Variants in CBFB observed in about 807,000 individuals in gnomAD.
The protein encoded by CBFB is CBF-beta.
CBFB carries 9 observed loss-of-function variants against 30.4 expected under a neutral mutation model. The ratio of observed to expected loss-of-function variants is 0.30; its 90% CI spans 0.18 to 0.52. CBFB has a LOEUF of 0.52. Among genes scored for constraint, CBFB ranks in the 20% least tolerant of loss-of-function variants. The probability of loss-of-function intolerance (pLI) is 0.97; values close to 1 mark genes in which losing one functional copy is unlikely to be tolerated. For synonymous variants in CBFB, 94 were observed against 84.0 expected, an observed-to-expected ratio of 1.12 and a Z score of -0.65; for missense variants, 170 against 244.0, an observed-to-expected ratio of 0.70 and a Z score of 2.02.
chr16:67,045,136 G>A (rs1247643156), intron 3 of CBFB, among the ~76,000 whole-genome samples: 2 of 152,112 alleles, frequency 1.3e-5, no homozygotes, highest in African/African-American at 2.4e-5. Context: ...AGCTGGCAGA[G>A]CGTTTGTATT....
At chr16:67,095,181 GCC>G (rs1749722186) in intron 5 of CBFB, among the ~76,000 whole-genome samples, 1 of 121,284 alleles carries the variant, frequency 8.2e-6, no homozygotes, top group African/African-American at 3.2e-5. Context: ...TTGCACTCCA[GCC>G]TAGGCAACAA....
At chr16:67,044,323 C>G (rs1036251542) in intron 3 of CBFB, among the ~76,000 whole-genome samples, 2 of 152,106 alleles carry the variant, frequency 1.3e-5, no homozygotes, top group African/African-American at 4.8e-5. Flanking sequence ...TCATTTTTTT[C>G]TGTGGAAATT....
intron 4 of CBFB, among the ~76,000 whole-genome samples, chr16:67,068,754 G>A (rs1354611840): frequency 6.6e-6 from 1 of 152,162 alleles, no homozygotes; most frequent in Non-Finnish European, 1.5e-5. Flanking sequence ...GGGCCCAAGT[G>A]TTGGTTCTTA....
chr16:67,061,522 T>C (rs1339438263), intron 3 of CBFB, among the ~76,000 whole-genome samples: 5 of 152,226 alleles, frequency 3.3e-5, no homozygotes, highest in African/African-American at 7.2e-5. Flanking sequence ...CATTATTGAA[T>C]TGCATTATAA....
In CBFB at chr16:67,072,835, A is replaced by G. The variant is rs77140696; in HGVS notation, c.399+6037A>G. On this transcript the variant is annotated intron_variant, in intron 4 of 5. Transcript: ENST00000412916. ...GCTCAGGCCAGAGTGCAGTGGTACA[A>G]TGACAGCTCACTACAGCCTCAAGCT... Among the ~76,000 whole-genome samples, 8 of 151,634 alleles carry G rather than the reference A, an allele frequency of 5.3e-5. No homozygotes were observed. The East Asian group carries it at 1.2e-3, about 22-fold the overall frequency.
At chr16:67,062,587 T>C (rs1358510303) in intron 3 of CBFB, among the ~76,000 whole-genome samples, 1 of 149,056 alleles carries the variant, frequency 6.7e-6, no homozygotes, top group East Asian at 2.0e-4. Context: ...AGGTCAGGAG[T>C]TCGAGAGCAG....
rs916136479 is a variant in CBFB at position 67,100,888 on chromosome 16, A to T, written c.*2110A>T. ...TCTATTAAGTTATTGATGCAATTTG[A>T]TATTTTTTCATAATCTATATTTAAA... On this transcript the variant is annotated 3_prime_UTR_variant, in exon 6 of 6. Transcript: ENST00000412916. 1.0e-5 allele frequency: 2 copies of T among 198,836 alleles called. No individual in the cohort carries two copies. Among genetic ancestry groups the T allele is most frequent in the African/African-American group, 4.6e-5 (2 of 43,478 alleles). The allele number at this position is 198,836 out of a possible 1,614,324, so 12.3% of individuals were successfully genotyped here.
intron 5 of CBFB, among the ~76,000 whole-genome samples, chr16:67,084,227 G>A (rs1407771221): frequency 5.0e-5 from 7 of 141,170 alleles, no homozygotes; most frequent in Admixed American, 3.5e-4. Flanking sequence ...AAGAACTAAT[G>A]TGTTTGAAAA....
At chr16:67,033,573 G>C (rs1287214793) in intron 2 of CBFB, among the ~76,000 whole-genome samples, 1 of 151,350 alleles carries the variant, frequency 6.6e-6, no homozygotes, top group East Asian at 1.9e-4. Context: ...GCCTGCCTCA[G>C]TGAGCCACTG....
Position 67,099,304 on chromosome 16 carries a change from A to G in CBFB, c.*526A>G, listed in dbSNP as rs1962150036. On this transcript the variant is annotated 3_prime_UTR_variant, in exon 6 of 6. Coordinates refer to ENST00000412916, the MANE Select transcript of CBFB (RefSeq NM_022845.3). ...TTTTAAAACTGCTGATGTTGTTTGCATTATTTACAGGCTAAAAACTTAGTA... is the reference window on the plus strand; with the variant it reads ...TTTTAAAACTGCTGATGTTGTTTGCGTTATTTACAGGCTAAAAACTTAGTA... The G allele has an allele frequency of 4.4e-6, 1 of 229,418 alleles. No individual in the cohort carries two copies. Among genetic ancestry groups the G allele is most frequent in the African/African-American group, 2.2e-5 (1 of 45,062 alleles). 14.2% of individuals were successfully genotyped at this position (229,418 alleles called of 1,614,324 possible). A position where few individuals can be genotyped will look rare whatever the true frequency, so the allele number is the denominator to read the frequency against.
At chr16:67,074,081 G>A (rs536563684) in intron 4 of CBFB, among the ~76,000 whole-genome samples, 1 of 152,074 alleles carries the variant, frequency 6.6e-6, no homozygotes, top group Non-Finnish European at 1.5e-5. Flanking sequence ...GAAGATGCAT[G>A]TACTTAGAAA....
chr16:67,060,070 G>T (rs1381940794), intron 3 of CBFB, among the ~76,000 whole-genome samples: 4 of 151,760 alleles, frequency 2.6e-5, no homozygotes, highest in Non-Finnish European at 4.4e-5. Flanking sequence ...GACCTCCTGG[G>T]CTTAGGTGAT....
intron 2 of CBFB, chr16:67,030,147 AT>A (rs1966310742): frequency 4.2e-6 from 1 of 240,206 alleles, no homozygotes; most frequent in African/African-American, 2.3e-5. Context: ...GCAAACCCCC[AT>A]TCGGAAAAAG....
chr16:67,060,606 A>C (rs1960883452), intron 3 of CBFB, among the ~76,000 whole-genome samples: 2 of 151,934 alleles, frequency 1.3e-5, no homozygotes, highest in African/African-American at 4.8e-5. Flanking sequence ...CCCAGGCTGG[A>C]GTGCAATGGC....
At chr16:67,080,592 C>T (rs957865282) in intron 4 of CBFB, among the ~76,000 whole-genome samples, 1 of 152,154 alleles carries the variant, frequency 6.6e-6, no homozygotes, top group African/African-American at 2.4e-5. Flanking sequence ...CCTTCAGGTG[C>T]AGATCTTTAG....
In CBFB at chr16:67,045,166, T is replaced by G. The variant is rs150710353; in HGVS notation, c.282+8411T>G. 6.8e-3 allele frequency among the ~76,000 whole-genome samples: 1,031 copies of G among 150,996 alleles called. 14 individuals are homozygous for G. The highest frequency in any genetic ancestry group is 0.053 in the South Asian group (255 of 4,790). Reference sequence around the variant, plus strand: ...TGTATTTTTAAAGAAAAGTTTTTATTTTAGTTATTTTAGTTATTTTTCAAT... The same window carrying G: ...TGTATTTTTAAAGAAAAGTTTTTATGTTAGTTATTTTAGTTATTTTTCAAT... On this transcript the variant is annotated intron_variant, in intron 3 of 5. Transcript: ENST00000412916.
rs1016386411 is a variant in CBFB, at chr16:67,099,916, T to C, written c.*1138T>C. The C allele has an allele frequency of 4.7e-6, 1 of 211,470 alleles. No homozygotes were observed. Among genetic ancestry groups the C allele is most frequent in the Non-Finnish European group, 9.6e-6 (1 of 104,074 alleles). 13.1% of individuals were successfully genotyped at this position (211,470 alleles called of 1,614,324 possible). On this transcript the variant is annotated 3_prime_UTR_variant, in exon 6 of 6. Coordinates refer to ENST00000412916, the MANE Select transcript of CBFB (RefSeq NM_022845.3). Reference sequence around the variant, plus strand: ...ATTAGTTTTAGAGAGAAAATGTTCATCTGTGCAGAGGATGCATTTTCTTCC... The same window carrying C: ...ATTAGTTTTAGAGAGAAAATGTTCACCTGTGCAGAGGATGCATTTTCTTCC...
At chr16:67,034,401 A>G (rs1016482550) in intron 2 of CBFB, among the ~76,000 whole-genome samples, 1 of 152,006 alleles carries the variant, frequency 6.6e-6, no homozygotes, top group Non-Finnish European at 1.5e-5. Flanking sequence ...TAATGTTTTC[A>G]TTTTGTTTAT....
At chr16:67,033,945 C>G (rs1966400716) in intron 2 of CBFB, among the ~76,000 whole-genome samples, 1 of 151,760 alleles carries the variant, frequency 6.6e-6, no homozygotes, top group East Asian at 1.9e-4. Context: ...TCTCCTGCCT[C>G]AGCCTCCCGA....
Sources: gnomAD v4.1 joint callset for allele counts (sites outside exome capture counted in the v4.1 genomes callset) on GRCh38, gnomAD v4.1.1 for gene constraint, MANE v1.5 for transcripts, NCBI Gene and HGNC (gene_info 2026-07-23, HGNC 2026-07-21) for gene names.